Variants in RNF213 observed in about 807,000 individuals in gnomAD.
RNF213 encodes the protein E3 ubiquitin-protein ligase RNF213.
A neutral mutation model predicts 514.4 loss-of-function variants in RNF213; 341 were observed. The ratio of observed to expected loss-of-function variants is 0.66; its 90% CI spans 0.61 to 0.73. The LOEUF (loss-of-function observed/expected upper bound fraction) is 0.73, where lower values mean the gene tolerates loss of function less well. RNF213 is among the 30% of genes least tolerant of loss of function. The pLI is 0.00. For missense variants in RNF213, 5,767 were observed against 6,615.6 expected (o/e 0.87, Z 4.45); for synonymous variants, 2,655 against 2,658.2 (o/e 1.00, Z 0.04).
intron 7 of RNF213, among the ~76,000 whole-genome samples, chr17:80,291,355 C>T (rs1465924065): frequency 6.7e-6 from 1 of 149,908 alleles, no homozygotes; most frequent in Admixed American, 6.7e-5. Context: ...CCTGGGCCAT[C>T]ATGCCCAGCT....
chr17:80,334,229 T>TCTC lies in RNF213; in HGVS notation c.4268_4269insCTC (p.Leu1423_Arg1424insSer). The TCTC allele has an allele frequency of 6.5e-7, 1 of 1,537,198 alleles. No homozygotes were observed. The highest frequency in any genetic ancestry group is 8.7e-7 in the Non-Finnish European group (1 of 1,146,866). On this transcript the variant is annotated inframe_insertion, in exon 22 of 68. Transcript: ENST00000582970. ...TGCAAGGGGCTGCAGGCTCTGTCCCTGAGAAAGGAGTTCATCTGCTGGGTC... is the reference window on the plus strand; with the variant it reads ...TGCAAGGGGCTGCAGGCTCTGTCCCTCTCGAGAAAGGAGTTCATCTGCTGGGTC...
intron 3 of RNF213, chr17:80,278,765 G>T: frequency 6.5e-7 from 1 of 1,537,156 alleles, no homozygotes; most frequent in Non-Finnish European, 8.7e-7. Context: ...TTTCAACAGG[G>T]AGCTACATCA....
chr17:80,332,141 A>G lies in RNF213; in HGVS notation c.3653A>G (p.Gln1218Arg). ...ATHYHLSSQV[Q>R]EMAGKIDLLR... ...CATTACCACCTGAGCTCCCAGGTCC[A>G]AGAAATGGCTGGGAAGATAGACTTG... Residue 1218 changes from glutamine (Q) to arginine (R), a missense_variant, in exon 21 of 68, where the codon CAA becomes CGA. This residue lies in a region of RNF213 where 516 missense variants were observed against 566.5 expected (regional missense o/e 0.91). Coordinates refer to ENST00000582970, the MANE Select transcript of RNF213 (RefSeq NM_001256071.3). 6.5e-7 allele frequency: 1 copy of G among 1,537,246 alleles called. No homozygotes were observed. The highest frequency in any genetic ancestry group is 8.7e-7 in the Non-Finnish European group (1 of 1,146,918).
intron 17 of RNF213, among the ~76,000 whole-genome samples, chr17:80,324,726 A>G (rs1197403067): frequency 6.6e-6 from 1 of 152,278 alleles, no homozygotes; most frequent in African/African-American, 2.4e-5. Context: ...TCATGATATG[A>G]AAGTCCAAAA....
intron 35 of RNF213, 98 bp from the exon 36 acceptor site, chr17:80,354,343 C>T (rs911697519): frequency 1.3e-4 from 208 of 1,589,338 alleles, no homozygotes; most frequent in Admixed American, 2.5e-4. Flanking sequence ...TTGGCCTGGC[C>T]AACGGACTTC....
Position 80,336,277 on chromosome 17 carries a change from C to G in RNF213, c.4426C>G (p.Leu1476Val). ...CGCTGTGCAGGGCTACGCATCCCTGCTATTTAAGCTGGACCCCAGCGTGGA... is the reference window on the plus strand; with the variant it reads ...CGCTGTGCAGGGCTACGCATCCCTGGTATTTAAGCTGGACCCCAGCGTGGA... ...HDAVQGYASL[L>V]FKLDPSVDFS... Residue 1476 changes from leucine to valine, a missense_variant, in exon 23 of 68, where the codon CTA becomes GTA. Transcript: ENST00000582970. 1.3e-6 allele frequency: 2 copies of G among 1,537,240 alleles called. No individual in the cohort carries two copies. The highest frequency in any genetic ancestry group is 1.7e-6 in the Non-Finnish European group (2 of 1,146,910).
rs2078299009 is a variant in RNF213 at position 80,346,042 on chromosome 17, T to C, written c.7707T>C (p.His2569=). Residue 2569 remains histidine (H), a synonymous_variant, in exon 29 of 68, where the codon CAT becomes CAC. Transcript: ENST00000582970. The surrounding 1 kb of genome is among the most constrained non-coding windows in gnomAD (Gnocchi z 8.1). Reference sequence around the variant, plus strand: ...TGAGGCAGCTGGTATACCGGGTCCATGCTCTGCCCCCGAGCCTGATTCCTC... The same window carrying C: ...TGAGGCAGCTGGTATACCGGGTCCACGCTCTGCCCCCGAGCCTGATTCCTC... ...IPLRQLVYRV[H]ALPPSLIPLV... is the part of the protein sequence containing the mutation. 1.9e-6 allele frequency: 3 copies of C among 1,614,028 alleles called. No homozygotes were observed. The highest frequency in any genetic ancestry group is 2.7e-5 in the African/African-American group (2 of 74,928).
Position 80,263,814 on chromosome 17 carries a change from T to G in RNF213, c.97+36T>G. On this transcript the variant is annotated intron_variant, in intron 2 of 67. Transcript: ENST00000582970. This position sits in a 1 kb window ranked among gnomAD's most constrained non-coding sequence, Gnocchi z 4.9. ...GGGGTGCTGGTGGAGGCTGGGGCAGTGGGGACCCCTGGAGATGTCTCACCT... is the reference window on the plus strand; with the variant it reads ...GGGGTGCTGGTGGAGGCTGGGGCAGGGGGGACCCCTGGAGATGTCTCACCT... The G allele has an allele frequency of 6.3e-7, 1 of 1,577,870 alleles. No individual in the cohort carries two copies. The highest frequency in any genetic ancestry group is 1.1e-5 in the South Asian group (1 of 90,314).
chr17:80,336,619 AAGAC>A lies in RNF213; in HGVS notation c.4527+245_4527+248del, dbSNP rs1259228060. Reference sequence around the variant, plus strand: ...TAAGGTGCAAAACACACGTGGAAAAAAGACAGAAGGGAAATATGCTGAAACGTTG... The same window carrying A: ...TAAGGTGCAAAACACACGTGGAAAAAAGAAGGGAAATATGCTGAAACGTTG... On this transcript the variant is annotated intron_variant, in intron 23 of 67. Transcript: ENST00000582970. 45 of 548,754 alleles carry A rather than the reference AAGAC, an allele frequency of 8.2e-5. 1 individual carries two copies. The highest frequency in any genetic ancestry group is 7.2e-4 in the South Asian group (40 of 55,618). The allele number at this position is 548,754 out of a possible 1,614,324, so 34.0% of individuals were successfully genotyped here. A position where few individuals can be genotyped will look rare whatever the true frequency, so the allele number is the denominator to read the frequency against.
rs2080577517 is a variant in RNF213, at chr17:80,393,770, G to A, written c.*272G>A. ...ATGACAATGAAGATTAGATGAAATT[G>A]GAAATAAACCAACATTGTTTACATT... On this transcript the variant is annotated 3_prime_UTR_variant, in exon 68 of 68. Transcript: ENST00000582970. The A allele has an allele frequency of 2.3e-6, 1 of 435,118 alleles. No homozygotes were observed. The highest frequency in any genetic ancestry group is 3.5e-5 in the Admixed American group (1 of 28,218). The allele number at this position is 435,118 out of a possible 1,614,324, so 27.0% of individuals were successfully genotyped here.
chr17:80,266,900 G>C (rs1246106447), intron 2 of RNF213, among the ~76,000 whole-genome samples: 1 of 152,128 alleles, frequency 6.6e-6, no homozygotes, highest in East Asian at 1.9e-4. Flanking sequence ...TAGGCCTCTT[G>C]CACCAAATGG....
Position 80,364,503 on chromosome 17 carries a change from G to C in RNF213, c.11821G>C (p.Val3941Leu), listed in dbSNP as rs147900479. 7 of 1,613,994 alleles carry C rather than the reference G, an allele frequency of 4.3e-6. No individual in the cohort carries two copies. In the African/African-American group the frequency reaches 9.3e-5, roughly 22 times the overall value. ...EHVLLGTESRVPELQGLVTEH... is the reference protein window; with the variant it reads ...EHVLLGTESRLPELQGLVTEH... ...CGTGCTCCTAGGAACCGAGAGCCGCGTCCCCGAGTTACAGGGGCTGGTGAC... is the reference window on the plus strand; with the variant it reads ...CGTGCTCCTAGGAACCGAGAGCCGCCTCCCCGAGTTACAGGGGCTGGTGAC... The change falls in exon 42 of 68, where the codon GTC becomes CTC. Residue 3941 changes from valine to leucine, a missense_variant. Around this residue, in one of 13 missense-constraint regions of RNF213, gnomAD observed 355 missense variants for 358.0 expected, o/e 0.99. Transcript: ENST00000582970.
chr17:80,349,724 C>T, intron 29 of RNF213, 46 bp from the exon 30 acceptor site: 1 of 1,609,116 alleles, frequency 6.2e-7, no homozygotes, highest in East Asian at 2.2e-5. Context: ...GACTTGCAAC[C>T]TTTCCTTGAA....
intron 50 of RNF213, 21 bp downstream of exon 50, chr17:80,374,610 C>A (rs2079669089): frequency 2.5e-6 from 4 of 1,613,688 alleles, no homozygotes; most frequent in Non-Finnish European, 3.4e-6. Flanking sequence ...CCCGTGGCTT[C>A]TCTCTGATAC....
chr17:80,344,884 T>C lies in RNF213; in HGVS notation c.6549T>C (p.Phe2183=). ...ATCAAAACCAAGACCTAGACACGTT[T>C]CAGTATCAAGAAGGCTCTGTCGAAG... ...RFNQNQDLDT[F]QYQEGSVEGT... Residue 2183 remains phenylalanine, a synonymous_variant, in exon 29 of 68, where the codon TTT becomes TTC. Transcript: ENST00000582970. 6.2e-7 allele frequency: 1 copy of C among 1,614,176 alleles called. No homozygotes were observed. Among genetic ancestry groups the C allele is most frequent in the South Asian group, 1.1e-5 (1 of 91,080 alleles).
At chr17:80,289,926 G>A in intron 6 of RNF213, 89 bp downstream of exon 6, 1 of 1,398,812 alleles carries the variant, frequency 7.1e-7, no homozygotes, top group Non-Finnish European at 9.9e-7. Flanking sequence ...GGATATCCAG[G>A]CTGCCCTTCT....
intron 10 of RNF213, among the ~76,000 whole-genome samples, chr17:80,297,704 G>A (rs1423830576): frequency 1.3e-5 from 2 of 150,568 alleles, no homozygotes; most frequent in African/African-American, 2.4e-5. Flanking sequence ...GGAGAATGGC[G>A]TGAACCCGAG....
chr17:80,328,186 C>A, intron 19 of RNF213, 142 bp from the exon 20 acceptor site: 1 of 1,145,656 alleles, frequency 8.7e-7, no homozygotes, highest in Non-Finnish European at 1.2e-6. Flanking sequence ...AAATAATGGC[C>A]ATCTCGAAAA....
intron 36 of RNF213, among the ~76,000 whole-genome samples, chr17:80,356,935 T>TC (rs397733451): frequency 6.6e-6 from 1 of 151,670 alleles, no homozygotes; most frequent in African/African-American, 2.4e-5. Context: ...TTTTTTTTTT[T>TC]CGAGACAGAG....
Sources: allele counts gnomAD v4.1 joint callset (sites outside exome capture counted in the v4.1 genomes callset), GRCh38; gene constraint gnomAD v4.1.1; regional missense constraint gnomAD v4.1.1; non-coding constraint Gnocchi (gnomAD v3.1); transcripts MANE v1.5; gene names NCBI Gene and HGNC (gene_info 2026-07-23, HGNC 2026-07-21).